NRDC: variants seen among roughly 807,000 people sequenced by gnomAD.
The protein encoded by NRDC is nardilysin.
A neutral mutation model predicts 147.1 loss-of-function variants in NRDC; 54 were observed. The ratio of observed to expected loss-of-function variants is 0.37; its 90% confidence interval spans 0.29 to 0.46. The LOEUF is 0.46. Ranked by LOEUF, NRDC falls within the 20% of genes least tolerant of loss-of-function variation. NRDC has a pLI of 1.00. For missense variants in NRDC, 1,082 were observed against 1,370.6 expected (o/e 0.79, Z 3.33); for synonymous variants, 440 against 482.1 (o/e 0.91, Z 1.14).
chr1:51,861,593 C>G (rs1034568716), intron 1 of NRDC, among the ~76,000 whole-genome samples: 25 of 151,944 alleles, frequency 1.6e-4, no homozygotes, highest in Admixed American at 1.4e-3. Context: ...CAATCCGCCC[C>G]CCTTGGCTTC....
intron 4 of NRDC, among the ~76,000 whole-genome samples, chr1:51,829,924 T>G (rs1169293289): frequency 6.6e-6 from 1 of 152,024 alleles, no homozygotes; most frequent in African/African-American, 2.4e-5. Context: ...ATTTGACAGT[T>G]TCTTATTCCT....
At chr1:51,797,158 G>A (rs1012955390) in intron 22 of NRDC, among the ~76,000 whole-genome samples, 9 of 151,856 alleles carry the variant, frequency 5.9e-5, no homozygotes, top group African/African-American at 9.7e-5. Flanking sequence ...CCAAGATCAC[G>A]CCACTGGACT....
intron 1 of NRDC, among the ~76,000 whole-genome samples, chr1:51,873,521 T>TTATG (rs1449347928): frequency 6.2e-5 from 9 of 144,210 alleles, no homozygotes; most frequent in Admixed American, 3.4e-4. Flanking sequence ...ATTTATTTAT[T>TTATG]TATGTTTGAG....
At chr1:51,862,636 A>G (rs1182503793) in intron 1 of NRDC, among the ~76,000 whole-genome samples, 1 of 152,000 alleles carries the variant, frequency 6.6e-6, no homozygotes, top group African/African-American at 2.4e-5. Context: ...AGGTGGGAGG[A>G]TCACCTGAGC....
Position 51,819,826 on chromosome 1 carries a change from G to A in NRDC, c.1265C>T (p.Thr422Ile), listed in dbSNP as rs374287760. Residue 422 changes from threonine (T) to isoleucine (I), a missense_variant, in exon 9 of 31, where the codon ACA becomes ATA. Around this residue, in one of 3 missense-constraint regions of NRDC, gnomAD observed 635 missense variants for 923.8 expected, o/e 0.69. Coordinates refer to ENST00000352171, the MANE Select transcript of NRDC (RefSeq NM_001101662.2). ...TCTATAAAGTTTGTTAAATGCTGGTGTGTCAAATGGATCCGTTAAATGGCC... is the reference window on the plus strand; with the variant it reads ...TCTATAAAGTTTGTTAAATGCTGGTATGTCAAATGGATCCGTTAAATGGCC... ...NFGHLTDPFD[T>I]PAFNKLYRVV... 38 of 1,607,542 alleles carry A rather than the reference G, an allele frequency of 2.4e-5. No homozygotes were observed. Among genetic ancestry groups the A allele is most frequent in the Admixed American group, 3.4e-5 (2 of 59,538 alleles).
Position 51,809,619 on chromosome 1 carries a change from A to G in NRDC, c.1904-218T>C, listed in dbSNP as rs147633531. Among the ~76,000 whole-genome samples the G allele has an allele frequency of 7.5e-3, 1,136 of 152,282 alleles. 13 individuals carry two copies. The highest frequency in any genetic ancestry group is 0.026 in the African/African-American group (1,082 of 41,552). ...ATTGTCAGAAATGCAGAATCTGGCC[A>G]GGCACGGTGGCTCACACCTGTAAGC... On this transcript the variant is annotated intron_variant, in intron 16 of 30. Coordinates refer to ENST00000352171, the MANE Select transcript of NRDC (RefSeq NM_001101662.2).
intron 1 of NRDC, chr1:51,877,868 T>A: frequency 3.7e-6 from 1 of 269,520 alleles, no homozygotes; most frequent in Non-Finnish European, 6.0e-6. Flanking sequence ...ATCACTTAAG[T>A]GTCCCTCAAA....
chr1:51,852,137 C>T (rs1464648024), intron 1 of NRDC, among the ~76,000 whole-genome samples: 1 of 152,136 alleles, frequency 6.6e-6, no homozygotes, highest in East Asian at 1.9e-4. Flanking sequence ...CCATTTATGG[C>T]TGACGAAATT....
intron 1 of NRDC, among the ~76,000 whole-genome samples, chr1:51,861,425 G>T (rs1283861679): frequency 6.7e-6 from 1 of 149,642 alleles, no homozygotes; most frequent in Admixed American, 6.6e-5. Context: ...TGCCTCCCAG[G>T]TTCAAGCAAT....
intron 17 of NRDC, among the ~76,000 whole-genome samples, chr1:51,808,234 C>G (rs1217543074): frequency 6.6e-6 from 1 of 152,160 alleles, no homozygotes; most frequent in African/African-American, 2.4e-5. Context: ...CCACTTCTAG[C>G]TAGTTCCAAA....
At position 51,816,381 on chromosome 1, in the gene NRDC, G is replaced by T; in HGVS notation, c.1370C>A (p.Pro457Gln). 6.3e-7 allele frequency: 1 copy of T among 1,585,076 alleles called. No individual in the cohort carries two copies. The highest frequency in any genetic ancestry group is 8.6e-7 in the Non-Finnish European group (1 of 1,166,106). ...PPQQQHYRVK[P>Q]LHYISWLVGH... ...AACCAGCCAGGATATATAATGAAGT[G>T]GCTTCACCCTTTTAAAAAAATTTAA... is the stretch of plus-strand genomic sequence containing the variant. The change falls in exon 11 of 31, where the codon CCA becomes CAA. Residue 457 changes from proline (P) to glutamine (Q), a missense_variant. Pro to Gln is a moderately conservative substitution (Grantham distance 76). This residue lies in a region of NRDC where 635 missense variants were observed against 923.8 expected (regional missense o/e 0.69). Coordinates refer to ENST00000352171, the MANE Select transcript of NRDC (RefSeq NM_001101662.2).
At chr1:51,818,264 G>A in intron 9 of NRDC, 129 bp from the exon 10 acceptor site, 2 of 573,736 alleles carry the variant, frequency 3.5e-6, no homozygotes, top group Non-Finnish European at 5.7e-6. Flanking sequence ...TGCAGTTATT[G>A]TTTCAACTTG....
At chr1:51,849,579 G>A (rs147817981) in intron 1 of NRDC, among the ~76,000 whole-genome samples, 3 of 152,234 alleles carry the variant, frequency 2.0e-5, no homozygotes, top group African/African-American at 7.2e-5. Context: ...CACTTTGGAA[G>A]GTGGAGGTGG....
intron 1 of NRDC, among the ~76,000 whole-genome samples, chr1:51,843,153 G>A (rs1681357660): frequency 6.7e-6 from 1 of 148,736 alleles, no homozygotes; most frequent in Admixed American, 6.8e-5. Flanking sequence ...AAATGTTCAA[G>A]ACCACCAGAA....
chr1:51,813,089 C>T (rs987147581), intron 14 of NRDC, among the ~76,000 whole-genome samples: 2 of 151,642 alleles, frequency 1.3e-5, no homozygotes, highest in Non-Finnish European at 2.9e-5. Context: ...TAAGCCTGGG[C>T]AACACAGCAA....
rs749456867 is a variant in NRDC at position 51,827,756 on chromosome 1, A to G, written c.940+40T>C. ...AATGTAATAAGTAACTGGTTTCATG[A>G]AGGAAAAAACTGTAGTTACACATAA... is the stretch of plus-strand genomic sequence containing the variant. On this transcript the variant is annotated intron_variant, in intron 5 of 30. Transcript: ENST00000352171. The G allele has an allele frequency of 2.0e-6, 3 of 1,507,590 alleles. No individual in the cohort carries two copies. The South Asian group carries it at 3.4e-5, about 17-fold the overall frequency. The allele number at this position is 1,507,590 out of a possible 1,614,324, so 93.4% of individuals were successfully genotyped here.
intron 3 of NRDC, among the ~76,000 whole-genome samples, 189 bp downstream of exon 3, chr1:51,835,938 TCTAA>T (rs1454514573): frequency 2.0e-5 from 3 of 152,216 alleles, no homozygotes; most frequent in Non-Finnish European, 2.9e-5. Flanking sequence ...GTGGTTTCAT[TCTAA>T]CTCTCAATAT....
chr1:51,823,570 G>A, intron 7 of NRDC, 94 bp downstream of exon 7: 3 of 871,666 alleles, frequency 3.4e-6, no homozygotes, highest in Non-Finnish European at 5.0e-6. Context: ...AAGCACTAAA[G>A]TAATTAATAG....
At chr1:51,830,862 C>A (rs1327118272) in intron 4 of NRDC, among the ~76,000 whole-genome samples, 1 of 152,118 alleles carries the variant, frequency 6.6e-6, no homozygotes, top group Non-Finnish European at 1.5e-5. Context: ...TACTTATAAA[C>A]AATGTGGCCT....
Sources: allele counts gnomAD v4.1 joint callset (sites outside exome capture counted in the v4.1 genomes callset), GRCh38; gene constraint gnomAD v4.1.1; regional missense constraint gnomAD v4.1.1; transcripts MANE v1.5; gene names NCBI Gene and HGNC (gene_info 2026-07-23, HGNC 2026-07-21).